The following LPP variants were observed in gnomAD, a reference collection of about 807,000 sequenced individuals.
LPP encodes the protein LIM domain containing preferred translocation partner in lipoma, also known as lipoma-preferred partner.
Under a neutral mutation model 60.4 loss-of-function variants are expected in LPP, and 38 were observed. The observed-to-expected ratio is 0.63, with a 90% CI of 0.49 to 0.83. The LOEUF (loss-of-function observed/expected upper bound fraction) is 0.83. Among genes scored for constraint, LPP ranks in the 40% least tolerant of loss-of-function variants. LPP has a pLI of 0.00. For missense variants in LPP, 902 were observed against 783.6 expected, an observed-to-expected ratio of 1.15 and a Z score of -1.80; for synonymous variants, 328 against 290.8, an observed-to-expected ratio of 1.13 and a Z score of -1.30.
rs61117647 is a variant in LPP, at chr3:188,879,629, AT to A, written c.*5160del. The A allele has an allele frequency of 7.9e-4, 143 of 180,030 alleles. No individual in the cohort carries two copies. The highest frequency in any genetic ancestry group is 2.3e-3 in the East Asian group (25 of 10,816). 11.2% of individuals were successfully genotyped at this position (180,030 alleles called of 1,614,324 possible). A position where few individuals can be genotyped will look rare whatever the true frequency, so the allele number is the denominator to read the frequency against. ...GTAATCTTTCAAAGACTAGGTTAAG[AT>A]TTTTTTTTTAAGTCTGAAGCAATGT... On this transcript the variant is annotated 3_prime_UTR_variant, in exon 12 of 12. Transcript: ENST00000617246.
At chr3:188,179,427 A>G (rs373275381) in intron 1 of LPP, 11 of 457,624 alleles carry the variant, frequency 2.4e-5, no homozygotes, top group Non-Finnish European at 3.5e-5. Context: ...GCCACCTGAC[A>G]TTCTGTCCTT....
chr3:188,379,474 C>A (rs1776261862), intron 3 of LPP, among the ~76,000 whole-genome samples: 1 of 152,084 alleles, frequency 6.6e-6, no homozygotes, highest in South Asian at 2.1e-4. Context: ...CAGCCGTCAC[C>A]AAGATCAATT....
At chr3:188,447,396 G>A (rs1030897877) in intron 4 of LPP, among the ~76,000 whole-genome samples, 1 of 152,090 alleles carries the variant, frequency 6.6e-6, no homozygotes, top group African/African-American at 2.4e-5. Flanking sequence ...AGGATCATGA[G>A]GTCAGGAGAT....
At chr3:188,706,635 A>G (rs1189946526) in intron 7 of LPP, among the ~76,000 whole-genome samples, 1 of 152,214 alleles carries the variant, frequency 6.6e-6, no homozygotes, top group Non-Finnish European at 1.5e-5. Context: ...AGTTGTAGTA[A>G]ATGTTGGGAA....
intron 4 of LPP, among the ~76,000 whole-genome samples, chr3:188,452,556 A>T (rs1335112757): frequency 6.6e-6 from 1 of 152,204 alleles, no homozygotes; most frequent in African/African-American, 2.4e-5. Flanking sequence ...CGAAAAGGAA[A>T]AATGACAAAT....
At chr3:188,452,252 C>A (rs1166553757) in intron 4 of LPP, among the ~76,000 whole-genome samples, 1 of 152,192 alleles carries the variant, frequency 6.6e-6, no homozygotes, top group East Asian at 1.9e-4. Context: ...CCGTATCCTT[C>A]TCTTTCACTA....
chr3:188,493,059 G>C (rs1039630324), intron 5 of LPP, among the ~76,000 whole-genome samples: 1 of 150,988 alleles, frequency 6.6e-6, no homozygotes, highest in Middle Eastern at 3.2e-3. Flanking sequence ...TCTCTTTTTT[G>C]TTCTTTTTTT....
In LPP at chr3:188,613,989, G is replaced by C. The variant is rs191111571; in HGVS notation, c.1113+4145G>C. On this transcript the variant is annotated intron_variant, in intron 7 of 11. Coordinates refer to ENST00000617246, the MANE Select transcript of LPP (RefSeq NM_001375462.1). ...GTCACCCAGGCTGGGGTGCAATGAC[G>C]TGATCTCGGCTCACTGCAACCTCCA... Among the ~76,000 whole-genome samples, 1,068 of 151,468 alleles carry C rather than the reference G, an allele frequency of 7.1e-3. 7 individuals are homozygous for C. Among genetic ancestry groups the C allele is most frequent in the Middle Eastern group, 0.031 (9 of 294 alleles).
chr3:188,768,224 A>G, intron 9 of LPP, among the ~76,000 whole-genome samples: 1 of 152,158 alleles, frequency 6.6e-6, no homozygotes, highest in East Asian at 1.9e-4. Flanking sequence ...CAGATCTCCA[A>G]AGAACAAATG....
At chr3:188,338,172 G>A (rs929587848) in intron 2 of LPP, among the ~76,000 whole-genome samples, 1 of 152,246 alleles carries the variant, frequency 6.6e-6, no homozygotes, top group African/African-American at 2.4e-5. Flanking sequence ...ATTAAAATCA[G>A]AGAGGGAAGC....
At chr3:188,219,994 C>A (rs1715173963) in intron 1 of LPP, among the ~76,000 whole-genome samples, 1 of 152,190 alleles carries the variant, frequency 6.6e-6, no homozygotes, top group Admixed American at 6.5e-5. Flanking sequence ...GCTAACTCAA[C>A]CACAGTTAGC....
chr3:188,694,711 T>A (rs7628581), intron 7 of LPP, among the ~76,000 whole-genome samples: 84,200 of 149,680 alleles, frequency 0.56, 25,497 homozygotes, highest in Middle Eastern at 0.71. Flanking sequence ...AAAAAAAAAA[T>A]AAATAAAAAC....
rs928248061 is a variant in LPP, at chr3:188,882,114, A to G, written c.*7635A>G. ...TTCTGGCCAACTGTAATAAGATCCAACCACTTAAATCTGTACTTACTCAAT... is the reference window on the plus strand; with the variant it reads ...TTCTGGCCAACTGTAATAAGATCCAGCCACTTAAATCTGTACTTACTCAAT... On this transcript the variant is annotated 3_prime_UTR_variant, in exon 12 of 12. Transcript: ENST00000617246. The G allele has an allele frequency of 9.0e-5, 19 of 211,124 alleles. No homozygotes were observed. The highest frequency in any genetic ancestry group is 4.1e-4 in the African/African-American group (18 of 44,308). 13.1% of individuals were successfully genotyped at this position (211,124 alleles called of 1,614,324 possible).
At chr3:188,715,302 C>G (rs1713399292) in intron 8 of LPP, among the ~76,000 whole-genome samples, 1 of 142,962 alleles carries the variant, frequency 7.0e-6, no homozygotes, top group African/African-American at 2.6e-5. Context: ...CACTTGAACC[C>G]AGGAGGCGGA....
chr3:188,222,165 A>G (rs75051083), intron 1 of LPP, among the ~76,000 whole-genome samples: 1,943 of 152,330 alleles, frequency 0.013, 21 homozygotes, highest in Non-Finnish European at 0.018. Flanking sequence ...TAGCATTTCC[A>G]AAAAGTTTGC....
chr3:188,472,534 T>A (rs763038559), intron 4 of LPP: 1 of 152,226 alleles, frequency 6.6e-6, no homozygotes, highest in Non-Finnish European at 1.5e-5. Context: ...ATGGTTGGCA[T>A]CATTTTATAT....
chr3:188,220,558 T>A (rs1244145097), intron 1 of LPP, among the ~76,000 whole-genome samples: 1 of 152,236 alleles, frequency 6.6e-6, no homozygotes, highest in Non-Finnish European at 1.5e-5. Flanking sequence ...CTGAGAACTC[T>A]GTGAGCTCTG....
chr3:188,361,420 CCCTT>C (rs1769263657), intron 3 of LPP, among the ~76,000 whole-genome samples: 1 of 149,508 alleles, frequency 6.7e-6, no homozygotes. Flanking sequence ...TTCTTTCATT[CCCTT>C]CCTTCCCTCC....
chr3:188,267,565 G>A (rs1271084912), intron 2 of LPP, among the ~76,000 whole-genome samples: 2 of 152,182 alleles, frequency 1.3e-5, no homozygotes, highest in Non-Finnish European at 2.9e-5. Context: ...TATCTCCCCA[G>A]AAGAGCTCTG....
Sources: allele counts gnomAD v4.1 joint callset (sites outside exome capture counted in the v4.1 genomes callset), GRCh38; gene constraint gnomAD v4.1.1; transcripts MANE v1.5; gene names NCBI Gene and HGNC (gene_info 2026-07-23, HGNC 2026-07-21).